The following LDLRAD4 variants were observed in gnomAD, a reference collection of about 807,000 sequenced individuals.
The protein encoded by LDLRAD4 is low density lipoprotein receptor class A domain containing 4.
A neutral mutation model predicts 17.0 loss-of-function variants in LDLRAD4; 5 were observed. That is an observed-to-expected ratio of 0.29 (90% confidence interval 0.15 to 0.62). The LOEUF is 0.62. Among genes scored for constraint, LDLRAD4 ranks in the 20% least tolerant of loss-of-function variants. LDLRAD4 has a pLI of 0.84. For synonymous variants in LDLRAD4, 168 were observed against 171.8 expected, an observed-to-expected ratio of 0.98 and a Z score of 0.17; for missense variants, 340 against 424.7, an observed-to-expected ratio of 0.80 and a Z score of 1.75.
At chr18:13,590,230 TAA>T (rs1383405285) in intron 3 of LDLRAD4, among the ~76,000 whole-genome samples, 1 of 150,212 alleles carries the variant, frequency 6.7e-6, no homozygotes, top group Non-Finnish European at 1.5e-5. Flanking sequence ...TGTGTGGGTA[TAA>T]GTGTGTGCAT....
chr18:13,441,609 G>A (rs1359069052), intron 3 of LDLRAD4, among the ~76,000 whole-genome samples: 4 of 152,192 alleles, frequency 2.6e-5, no homozygotes, highest in South Asian at 2.1e-4. Context: ...TGGCCGTGCC[G>A]TTAGCTTTGA....
chr18:13,269,420 A>G (rs1285204296), intron 1 of LDLRAD4, among the ~76,000 whole-genome samples: 2 of 152,242 alleles, frequency 1.3e-5, no homozygotes, highest in Admixed American at 6.5e-5. Context: ...CACAGTGACA[A>G]TCTTTACAAT....
intron 1 of LDLRAD4, among the ~76,000 whole-genome samples, chr18:13,308,964 A>G (rs7232518): frequency 0.016 from 2,373 of 152,286 alleles, 39 homozygotes; most frequent in African/African-American, 0.04. Context: ...GCCAAAAGTT[A>G]TGTTTGCTTT....
intron 1 of LDLRAD4, among the ~76,000 whole-genome samples, chr18:13,338,963 T>C (rs1164067287): frequency 6.6e-6 from 1 of 152,188 alleles, no homozygotes; most frequent in Non-Finnish European, 1.5e-5. Flanking sequence ...TTTTTAAAAA[T>C]TTATAAAATG....
chr18:13,311,917 C>CCCCTCCCG (rs2047257807), intron 1 of LDLRAD4, among the ~76,000 whole-genome samples: 1 of 150,498 alleles, frequency 6.6e-6, no homozygotes, highest in African/African-American at 2.4e-5. Flanking sequence ...CTGCAAGCCT[C>CCCCTCCCG]CCCTCCCGGG....
chr18:13,625,812 C>T (rs2041106917), intron 4 of LDLRAD4, among the ~76,000 whole-genome samples: 1 of 123,964 alleles, frequency 8.1e-6, no homozygotes, highest in Admixed American at 8.0e-5. Context: ...CCGGCGCCCT[C>T]CTCCCCCCGC....
At chr18:13,493,354 C>T (rs1235573657) in intron 3 of LDLRAD4, among the ~76,000 whole-genome samples, 1 of 152,104 alleles carries the variant, frequency 6.6e-6, no homozygotes, top group Non-Finnish European at 1.5e-5. Context: ...CTATGTAAAA[C>T]ATGGTCATGA....
At chr18:13,556,223 T>G (rs2094482126) in intron 3 of LDLRAD4, among the ~76,000 whole-genome samples, 1 of 152,056 alleles carries the variant, frequency 6.6e-6, no homozygotes, top group Non-Finnish European at 1.5e-5. Flanking sequence ...TCTAGGAGAG[T>G]GGGGAACTTT....
intron 1 of LDLRAD4, among the ~76,000 whole-genome samples, chr18:13,317,781 T>C (rs1025454383): frequency 2.0e-5 from 3 of 152,224 alleles, no homozygotes; most frequent in African/African-American, 7.2e-5. Flanking sequence ...AATGTTTCTG[T>C]CTGAGTGGTG....
At chr18:13,509,693 GATCAAATGCT>G (rs1326690583) in intron 3 of LDLRAD4, among the ~76,000 whole-genome samples, 1 of 152,198 alleles carries the variant, frequency 6.6e-6, no homozygotes, top group Non-Finnish European at 1.5e-5. Context: ...TTCTGCTGTG[GATCAAATGCT>G]ATCAAATAGC....
At chr18:13,399,501 T>C (rs934353042) in intron 2 of LDLRAD4, among the ~76,000 whole-genome samples, 2 of 152,256 alleles carry the variant, frequency 1.3e-5, no homozygotes, top group African/African-American at 4.8e-5. Flanking sequence ...TAAATAGTTA[T>C]TGTTATTTCA....
intron 1 of LDLRAD4, among the ~76,000 whole-genome samples, chr18:13,285,229 CT>C (rs2045553113): frequency 6.6e-6 from 1 of 152,168 alleles, no homozygotes; most frequent in Non-Finnish European, 1.5e-5. Context: ...TTGCCAGTTC[CT>C]GGGGAGAATG....
At position 13,288,330 on chromosome 18, in the gene LDLRAD4, T is replaced by C. The variant is rs536845359; in HGVS notation, c.-383+10142T>C. On this transcript the variant is annotated intron_variant, in intron 1 of 5. Transcript: ENST00000359446. Reference sequence around the variant, plus strand: ...CCAAAATTACACTGATAAAGGTCTCTTCCCTATCTGTTTAAAGGACACGTG... The same window carrying C: ...CCAAAATTACACTGATAAAGGTCTCCTCCCTATCTGTTTAAAGGACACGTG... 2.0e-5 allele frequency among the ~76,000 whole-genome samples: 3 copies of C among 152,354 alleles called. No individual in the cohort carries two copies. In the South Asian group the frequency reaches 6.2e-4, roughly 32 times the overall value.
intron 1 of LDLRAD4, among the ~76,000 whole-genome samples, chr18:13,232,802 G>A (rs1351329693): frequency 6.6e-6 from 1 of 152,146 alleles, no homozygotes. Context: ...CATGCTCCCT[G>A]GAAGCTGCGT....
Position 13,621,271 on chromosome 18 carries a change from G to A in LDLRAD4, c.336G>A (p.Gln112=), listed in dbSNP as rs1409261995. The A allele has an allele frequency of 6.2e-7, 1 of 1,611,208 alleles. No individual in the cohort carries two copies. The highest frequency in any genetic ancestry group is 1.3e-5 in the African/African-American group (1 of 75,062). ...GGAGGCGGGAGGACGGGCTGCCGCA[G>A]GTGAGTACCCTGGCCGCCCCGGCTC... Residue 112 remains glutamine (Q), a splice_region_variant and synonymous_variant, in exon 4 of 6, where the codon CAG becomes CAA. Transcript: ENST00000359446. This position sits in a 1 kb window ranked among gnomAD's most constrained non-coding sequence, Gnocchi z 5.5.
intron 3 of LDLRAD4, among the ~76,000 whole-genome samples, chr18:13,474,546 G>A (rs1193133043): frequency 6.6e-6 from 1 of 152,234 alleles, no homozygotes; most frequent in African/African-American, 2.4e-5. Context: ...ACCCCAGTGA[G>A]GACTTCGGGG....
At chr18:13,345,917 T>C (rs545453464) in intron 1 of LDLRAD4, among the ~76,000 whole-genome samples, 1 of 152,338 alleles carries the variant, frequency 6.6e-6, no homozygotes, top group African/African-American at 2.4e-5. Flanking sequence ...GGGGGTTCAA[T>C]GGTGATATCC....
At chr18:13,304,115 T>C (rs1256362157) in intron 1 of LDLRAD4, among the ~76,000 whole-genome samples, 1 of 152,200 alleles carries the variant, frequency 6.6e-6, no homozygotes, top group Non-Finnish European at 1.5e-5. Context: ...GCTGCAGTCC[T>C]GGACTCCAGT....
At chr18:13,235,576 G>A (rs755940938) in intron 1 of LDLRAD4, among the ~76,000 whole-genome samples, 12 of 152,232 alleles carry the variant, frequency 7.9e-5, no homozygotes, top group Non-Finnish European at 1.3e-4. Context: ...GCGGAAGAAG[G>A]AGAAAAAACT....
Sources: allele counts gnomAD v4.1 joint callset (sites outside exome capture counted in the v4.1 genomes callset), GRCh38; gene constraint gnomAD v4.1.1; non-coding constraint Gnocchi (gnomAD v3.1); transcripts MANE v1.5; gene names NCBI Gene and HGNC (gene_info 2026-07-23, HGNC 2026-07-21).